Variants in RBFOX1 observed in about 807,000 individuals in gnomAD.
The protein encoded by RBFOX1 is RNA binding protein fox-1 homolog 1.
A neutral mutation model predicts 57.7 loss-of-function variants in RBFOX1; 8 were observed. That is an observed-to-expected ratio of 0.14 (90% CI 0.08 to 0.25). The LOEUF is 0.25. RBFOX1 is among the 10% of genes least tolerant of loss of function. The pLI is 1.00. For missense variants in RBFOX1, 611 were observed against 548.5 expected (o/e 1.11, Z -1.14); for synonymous variants, 326 against 222.4 (o/e 1.47, Z -4.15).
At chr16:5,528,638 T>C (rs1307844752) in intron 2 of RBFOX1, among the ~76,000 whole-genome samples, 1 of 149,672 alleles carries the variant, frequency 6.7e-6, no homozygotes, top group Non-Finnish European at 1.5e-5. Context: ...TTCCTTCCCT[T>C]CTCCGCTTCC....
At chr16:7,384,281 A>G (rs2097841468) in intron 4 of RBFOX1, among the ~76,000 whole-genome samples, 1 of 152,122 alleles carries the variant, frequency 6.6e-6, no homozygotes, top group Non-Finnish European at 1.5e-5. Flanking sequence ...ATATGTATGA[A>G]TATGAAAAGC....
At position 7,062,892 on chromosome 16, in the gene RBFOX1, CAT is replaced by C. The variant is rs2054858528; in HGVS notation, c.27+10795_27+10796del. Among the ~76,000 whole-genome samples, 594 of 59,922 alleles carry C rather than the reference CAT, an allele frequency of 9.9e-3. 167 individuals carry two copies. The highest frequency in any genetic ancestry group is 0.014 in the Middle Eastern group (1 of 72). The allele number at this position is 59,922 out of a possible 152,430, so 39.3% of individuals were successfully genotyped here. A position where few individuals can be genotyped will look rare whatever the true frequency, so the allele number is the denominator to read the frequency against. ...TACCTCATCTCATTCAAATGATCGC[CAT>C]TTTTTTTTTTTTTTTTTTTTTTTTT... On this transcript the variant is annotated intron_variant, in intron 4 of 15. Transcript: ENST00000550418.
intron 1 of RBFOX1, among the ~76,000 whole-genome samples, chr16:6,300,020 G>C (rs139474718): frequency 2.6e-4 from 40 of 152,216 alleles, no homozygotes; most frequent in African/African-American, 7.9e-4. Context: ...CAAAAGACAA[G>C]GACATTCTGT....
chr16:5,511,445 C>G (rs2043588934), intron 2 of RBFOX1, among the ~76,000 whole-genome samples: 1 of 152,102 alleles, frequency 6.6e-6, no homozygotes, highest in South Asian at 2.1e-4. Context: ...GTCGATAAGT[C>G]AAGACTAGTC....
At chr16:5,717,963 A>C (rs956264503) in intron 3 of RBFOX1, among the ~76,000 whole-genome samples, 1 of 150,722 alleles carries the variant, frequency 6.6e-6, no homozygotes, top group African/African-American at 2.4e-5. Flanking sequence ...ACAGTTCTTC[A>C]CTCTTCTGGA....
intron 4 of RBFOX1, among the ~76,000 whole-genome samples, chr16:7,234,261 C>G (rs2093654789): frequency 6.6e-6 from 1 of 151,952 alleles, no homozygotes; most frequent in Non-Finnish European, 1.5e-5. Context: ...ATGAATAACC[C>G]CACTGGAAGA....
chr16:6,602,939 G>C (rs1022637125), intron 2 of RBFOX1, among the ~76,000 whole-genome samples: 1 of 152,140 alleles, frequency 6.6e-6, no homozygotes, highest in African/African-American at 2.4e-5. Context: ...GCTGGAGATT[G>C]GGAATCCTGA....
At chr16:6,041,200 T>C (rs950454413) in intron 1 of RBFOX1, among the ~76,000 whole-genome samples, 3 of 152,168 alleles carry the variant, frequency 2.0e-5, no homozygotes, top group African/African-American at 4.8e-5. Flanking sequence ...TAGAATCACA[T>C]GATATGCAGC....
intron 2 of RBFOX1, among the ~76,000 whole-genome samples, chr16:6,449,946 C>T (rs2094556480): frequency 6.6e-6 from 1 of 152,126 alleles, no homozygotes; most frequent in South Asian, 2.1e-4. Flanking sequence ...TGGATGATGC[C>T]AGGTCAGGAG....
chr16:7,410,287 C>A (rs571013510), intron 4 of RBFOX1, among the ~76,000 whole-genome samples: 3 of 152,204 alleles, frequency 2.0e-5, no homozygotes, highest in Admixed American at 1.3e-4. Flanking sequence ...ATTACAGATA[C>A]TGTTATTGCT....
At chr16:6,734,208 G>C (rs79572820) in intron 3 of RBFOX1, among the ~76,000 whole-genome samples, 4,150 of 152,148 alleles carry the variant, frequency 0.027, 176 homozygotes, top group African/African-American at 0.091. Context: ...CTCTGCAATT[G>C]TATGATGTCT....
chr16:6,767,947 T>TAAGAAG (rs71145291), intron 3 of RBFOX1, among the ~76,000 whole-genome samples: 2,305 of 100,890 alleles, frequency 0.023, 42 homozygotes, highest in Non-Finnish European at 0.03. Context: ...ATAATAATAA[T>TAAGAAG]AAGAAGAAGA....
intron 1 of RBFOX1, among the ~76,000 whole-genome samples, chr16:6,141,862 C>A (rs1194957949): frequency 6.6e-6 from 1 of 151,810 alleles, no homozygotes; most frequent in Non-Finnish European, 1.5e-5. Context: ...AGTTCAAGAC[C>A]AACCTGACCA....
intron 2 of RBFOX1, among the ~76,000 whole-genome samples, chr16:5,536,502 C>G (rs1414302348): frequency 6.6e-6 from 1 of 152,102 alleles, no homozygotes; most frequent in Non-Finnish European, 1.5e-5. Flanking sequence ...TCCCAAAGTG[C>G]TGAGATTACA....
chr16:5,543,553 A>C (rs1040633947), intron 2 of RBFOX1, among the ~76,000 whole-genome samples: 1 of 152,228 alleles, frequency 6.6e-6, no homozygotes, highest in Non-Finnish European at 1.5e-5. Context: ...AACAAGTTCA[A>C]GGAATTTAAT....
intron 2 of RBFOX1, among the ~76,000 whole-genome samples, chr16:5,481,717 C>T (rs1433545057): frequency 6.6e-6 from 1 of 152,174 alleles, no homozygotes; most frequent in African/African-American, 2.4e-5. Context: ...GCTTAGACAA[C>T]AGAACTGCAT....
chr16:5,335,815 C>T lies in RBFOX1; in HGVS notation c.219+95710C>T, dbSNP rs191293660. Among the ~76,000 whole-genome samples, 246 of 152,198 alleles carry T rather than the reference C, an allele frequency of 1.6e-3. 1 individual carries two copies. Among genetic ancestry groups the T allele is most frequent in the African/African-American group, 5.6e-3 (233 of 41,518 alleles). ...GTGTTCAGTAAATATTCCTTGTGTG[C>T]ATAAGTGAATGGATCCTATCAAAAG... On this transcript the variant is annotated intron_variant, in intron 1 of 2. Coordinates refer to the RBFOX1 transcript ENST00000585867.
In RBFOX1 at chr16:6,775,263, G is replaced by A. The variant is rs181470176; in HGVS notation, c.-16+120613G>A. On this transcript the variant is annotated intron_variant, in intron 3 of 15. Transcript: ENST00000550418. The stretch of plus-strand genomic sequence containing the variant: ...GAGAAAGGCGTGAAACCGGGAGGCC[G>A]AGCTTGCAGTGAGCTGAGATCGCGC... 1.4e-3 allele frequency among the ~76,000 whole-genome samples: 201 copies of A among 147,816 alleles called. 3 individuals carry two copies. In the East Asian group the frequency reaches 0.034, roughly 25 times the overall value.
At chr16:5,257,750 C>G (rs570027756) in intron 1 of RBFOX1, among the ~76,000 whole-genome samples, 5 of 152,196 alleles carry the variant, frequency 3.3e-5, no homozygotes, top group African/African-American at 1.2e-4. Context: ...CCCACGCTTC[C>G]CTCCCTGCCC....
Sources: allele counts gnomAD v4.1 joint callset (sites outside exome capture counted in the v4.1 genomes callset), GRCh38; gene constraint gnomAD v4.1.1; transcripts MANE v1.5; gene names NCBI Gene and HGNC (gene_info 2026-07-23, HGNC 2026-07-21).